The following SLIT2 variants were observed in gnomAD, a reference collection of about 807,000 sequenced individuals.
The protein encoded by SLIT2 is slit homolog 2 protein.
In SLIT2, 41 loss-of-function variants were observed where a neutral mutation model predicts 185.7. The ratio of observed to expected loss-of-function variants is 0.22; its 90% CI spans 0.17 to 0.29. The LOEUF is 0.29. Among genes scored for constraint, SLIT2 ranks in the 10% least tolerant of loss-of-function variants. The probability of loss-of-function intolerance (pLI) is 1.00; values close to 1 mark genes in which losing one functional copy is unlikely to be tolerated. For missense variants in SLIT2, 1,571 were observed against 1,909.0 expected, an observed-to-expected ratio of 0.82 and a Z score of 3.30; for synonymous variants, 693 against 680.2, an observed-to-expected ratio of 1.02 and a Z score of -0.29.
chr4:20,497,186 C>T (rs1212096065), intron 9 of SLIT2, among the ~76,000 whole-genome samples: 1 of 151,520 alleles, frequency 6.6e-6, no homozygotes, highest in Non-Finnish European at 1.5e-5. Context: ...GTCATATTCC[C>T]TCTCTAATGA....
At chr4:20,377,975 C>T (rs1724174821) in intron 4 of SLIT2, among the ~76,000 whole-genome samples, 1 of 152,088 alleles carries the variant, frequency 6.6e-6, no homozygotes, top group South Asian at 2.1e-4. Context: ...GAAAGTTGTT[C>T]TTGTGACCTA....
chr4:20,606,590 A>G (rs1001413291), intron 33 of SLIT2, among the ~76,000 whole-genome samples: 1 of 152,180 alleles, frequency 6.6e-6, no homozygotes, highest in Non-Finnish European at 1.5e-5. Flanking sequence ...ATTAATCTCA[A>G]TGATAAGTCT....
chr4:20,431,411 A>T (rs911907126), intron 4 of SLIT2, among the ~76,000 whole-genome samples: 1 of 151,586 alleles, frequency 6.6e-6, no homozygotes, highest in Non-Finnish European at 1.5e-5. Flanking sequence ...TATTTTTTTT[A>T]AAGACAGAGC....
At chr4:20,466,114 A>G (rs987022958) in intron 4 of SLIT2, among the ~76,000 whole-genome samples, 1 of 152,020 alleles carries the variant, frequency 6.6e-6, no homozygotes, top group Non-Finnish European at 1.5e-5. Context: ...TTTCCTCCTC[A>G]TTTCTTATTA....
At chr4:20,573,303 C>G in intron 29 of SLIT2, 1 of 702,862 alleles carries the variant, frequency 1.4e-6, no homozygotes, top group Non-Finnish European at 2.6e-6. Context: ...ATTTTAGTCT[C>G]CCTCTTTCTT....
chr4:20,601,947 A>G (rs530359793), intron 33 of SLIT2, among the ~76,000 whole-genome samples: 1 of 152,316 alleles, frequency 6.6e-6, no homozygotes, highest in Non-Finnish European at 1.5e-5. Context: ...AAATAATTTT[A>G]TACCTCAGGT....
intron 16 of SLIT2, 127 bp from the exon 17 acceptor site, chr4:20,531,857 G>T: frequency 1.8e-6 from 1 of 561,910 alleles, no homozygotes. Context: ...AATCTTCTGT[G>T]ATTTATGTAT....
chr4:20,498,329 C>T (rs931151508), intron 9 of SLIT2, among the ~76,000 whole-genome samples: 1 of 152,200 alleles, frequency 6.6e-6, no homozygotes, highest in Non-Finnish European at 1.5e-5. Flanking sequence ...CAGCACTTTG[C>T]TGCGTTGAAC....
chr4:20,407,954 TA>T (rs1726901394), intron 4 of SLIT2, among the ~76,000 whole-genome samples: 1 of 152,120 alleles, frequency 6.6e-6, no homozygotes, highest in East Asian at 1.9e-4. Context: ...GTGCTCAAGA[TA>T]ACCAAGTCTT....
intron 4 of SLIT2, among the ~76,000 whole-genome samples, chr4:20,414,061 TC>T (rs1727468648): frequency 6.6e-6 from 1 of 152,146 alleles, no homozygotes; most frequent in African/African-American, 2.4e-5. Context: ...CATAGTCTTT[TC>T]TAATGTAAAA....
At chr4:20,605,958 A>C (rs1413965092) in intron 33 of SLIT2, among the ~76,000 whole-genome samples, 1 of 151,928 alleles carries the variant, frequency 6.6e-6, no homozygotes, top group Non-Finnish European at 1.5e-5. Flanking sequence ...CATATTGCCC[A>C]GGCTGGTCTC....
At chr4:20,384,728 G>A (rs887869416) in intron 4 of SLIT2, among the ~76,000 whole-genome samples, 5 of 151,974 alleles carry the variant, frequency 3.3e-5, no homozygotes, top group Admixed American at 3.3e-4. Context: ...GCACATACTC[G>A]CCAAAAATTT....
At chr4:20,577,610 G>A (rs1485908420) in intron 29 of SLIT2, among the ~76,000 whole-genome samples, 1 of 152,126 alleles carries the variant, frequency 6.6e-6, no homozygotes, top group Non-Finnish European at 1.5e-5. Flanking sequence ...TTTAGCAAAA[G>A]AGGAGAAAAT....
At chr4:20,424,767 GA>G (rs1245850757) in intron 4 of SLIT2, among the ~76,000 whole-genome samples, 2 of 152,046 alleles carry the variant, frequency 1.3e-5, no homozygotes, top group African/African-American at 2.4e-5. Context: ...CCTGCTTTCA[GA>G]GATTTACCAG....
chr4:20,378,515 G>A (rs1724219911), intron 4 of SLIT2, among the ~76,000 whole-genome samples: 1 of 152,040 alleles, frequency 6.6e-6, no homozygotes, highest in South Asian at 2.1e-4. Flanking sequence ...AAAATGATCA[G>A]ACATACAGAA....
At chr4:20,348,492 G>T (rs914186287) in intron 4 of SLIT2, among the ~76,000 whole-genome samples, 1 of 151,586 alleles carries the variant, frequency 6.6e-6, no homozygotes, top group African/African-American at 2.4e-5. Flanking sequence ...CAGGCAATCC[G>T]CCTGCCTTGG....
rs1222162086 is a variant in SLIT2, at chr4:20,532,071, T to A, written c.1688+13T>A. On this transcript the variant is annotated intron_variant, in intron 17 of 36. Coordinates refer to ENST00000504154, the MANE Select transcript of SLIT2 (RefSeq NM_004787.4). The stretch of plus-strand genomic sequence containing the variant: ...AATTACGTAAAATGTAAGTCACTTG[T>A]TAGCTATTTTTTTTATTTCTGTAGC... 4.8e-6 allele frequency: 7 copies of A among 1,458,266 alleles called. No homozygotes were observed. The highest frequency in any genetic ancestry group is 6.4e-6 in the Non-Finnish European group (7 of 1,088,958). The allele number at this position is 1,458,266 out of a possible 1,614,324, so 90.3% of individuals were successfully genotyped here. A position where few individuals can be genotyped will look rare whatever the true frequency, so the allele number is the denominator to read the frequency against.
intron 4 of SLIT2, among the ~76,000 whole-genome samples, chr4:20,414,185 C>A (rs67917249): frequency 6.6e-6 from 1 of 151,748 alleles, no homozygotes; most frequent in Admixed American, 6.6e-5. Flanking sequence ...TACAATTAAC[C>A]TCTTCATTTA....
rs766530925 is a variant in SLIT2, at chr4:20,253,786, T to TGCC, written c.-28_-26dup. The TGCC allele has an allele frequency of 6.3e-7, 1 of 1,594,896 alleles. No individual in the cohort carries two copies. The highest frequency in any genetic ancestry group is 1.7e-5 in the Admixed American group (1 of 59,872). Reference sequence around the variant, plus strand: ...GCAGCAAGCTAAAGAAAGCCCCCAGTGCCGGCGAGGAAGGAGGCGGCGGGG... The same window carrying TGCC: ...GCAGCAAGCTAAAGAAAGCCCCCAGTGCCGCCGGCGAGGAAGGAGGCGGCGGGG... On this transcript the variant is annotated 5_prime_UTR_variant, in exon 1 of 37. Transcript: ENST00000504154.
Sources: allele counts gnomAD v4.1 joint callset (sites outside exome capture counted in the v4.1 genomes callset), GRCh38; gene constraint gnomAD v4.1.1; transcripts MANE v1.5; gene names NCBI Gene and HGNC (gene_info 2026-07-23, HGNC 2026-07-21).